The following DACH1 variants were observed in gnomAD, a reference collection of about 807,000 sequenced individuals.
DACH1 encodes dachshund homolog 1.
In DACH1, 12 loss-of-function variants were observed where a neutral mutation model predicts 54.2. That is an observed-to-expected ratio of 0.22 (90% CI 0.14 to 0.36). DACH1 has a LOEUF of 0.36. Among genes scored for constraint, DACH1 ranks in the 10% least tolerant of loss-of-function variants. The pLI is 1.00. For synonymous variants in DACH1, 386 were observed against 366.2 expected, an observed-to-expected ratio of 1.05 and a Z score of -0.62; for missense variants, 805 against 929.8, an observed-to-expected ratio of 0.87 and a Z score of 1.75.
chr13:71,710,138 A>G (rs1399823019), intron 1 of DACH1, among the ~76,000 whole-genome samples: 1 of 152,202 alleles, frequency 6.6e-6, no homozygotes, highest in Non-Finnish European at 1.5e-5. Context: ...TATTGGGAAC[A>G]GAGACTAGAA....
intron 6 of DACH1, among the ~76,000 whole-genome samples, chr13:71,548,714 C>T (rs929380545): frequency 4.7e-4 from 71 of 152,086 alleles, no homozygotes; most frequent in African/African-American, 1.7e-3. Context: ...CCCAGGAGTT[C>T]GAGACCAGCC....
At position 71,866,227 on chromosome 13, in the gene DACH1, G is replaced by A; in HGVS notation, c.543C>T (p.Asn181=). 2.5e-6 allele frequency: 4 copies of A among 1,612,692 alleles called. No individual in the cohort carries two copies. Among genetic ancestry groups the A allele is most frequent in the Non-Finnish European group, 3.4e-6 (4 of 1,179,360 alleles). The change falls in exon 1 of 11, where the codon AAC becomes AAT. Residue 181 remains asparagine, a synonymous_variant. Coordinates refer to ENST00000613252, the MANE Select transcript of DACH1 (RefSeq NM_080759.6). ...PVYSTPSPVE[N]TPQNNECKMV... is the part of the protein sequence containing the mutation. ...TTTTGCACTCATTATTCTGAGGGGT[G>A]TTTTCCACTGGGGACGGGGTTGAGT...
At chr13:71,544,693 C>G (rs1039891577) in intron 6 of DACH1, among the ~76,000 whole-genome samples, 3 of 152,044 alleles carry the variant, frequency 2.0e-5, no homozygotes. Flanking sequence ...ATGCAACACA[C>G]TGCAGTATGA....
chr13:71,776,139 T>C (rs1594206433), intron 1 of DACH1, among the ~76,000 whole-genome samples: 1 of 152,140 alleles, frequency 6.6e-6, no homozygotes, highest in African/African-American at 2.4e-5. Context: ...TTTCCTTCCT[T>C]CCTGTGTATT....
chr13:71,682,433 C>A (rs1297992570), intron 1 of DACH1, among the ~76,000 whole-genome samples: 2 of 152,094 alleles, frequency 1.3e-5, no homozygotes, highest in African/African-American at 2.4e-5. Context: ...GTGATTCAGA[C>A]CTATAGCACA....
rs1229800399 is a variant in DACH1 at position 71,826,096 on chromosome 13, T to TATCC, written c.848+39822_848+39825dup. 3.3e-5 allele frequency among the ~76,000 whole-genome samples: 5 copies of TATCC among 152,234 alleles called. No homozygotes were observed. In the East Asian group the frequency reaches 9.7e-4, roughly 29 times the overall value. ...TGGAAATTAAAAATGTGTATTCAAA[T>TATCC]ATCCATTTGACTGCTTCCCATTAAA... On this transcript the variant is annotated intron_variant, in intron 1 of 10. Transcript: ENST00000613252.
At chr13:71,576,378 G>A (rs1017954412) in intron 3 of DACH1, among the ~76,000 whole-genome samples, 1 of 152,072 alleles carries the variant, frequency 6.6e-6, no homozygotes, top group Non-Finnish European at 1.5e-5. Flanking sequence ...GAGTAGGTGT[G>A]GGAGGTCCTC....
chr13:71,555,559 G>T (rs1396722651), intron 6 of DACH1, among the ~76,000 whole-genome samples: 1 of 151,744 alleles, frequency 6.6e-6, no homozygotes, highest in African/African-American at 2.4e-5. Flanking sequence ...GGTCAGGCTG[G>T]TCTCGACTCC....
At chr13:71,547,812 C>T (rs1883555262) in intron 6 of DACH1, among the ~76,000 whole-genome samples, 1 of 152,070 alleles carries the variant, frequency 6.6e-6, no homozygotes, top group South Asian at 2.1e-4. Context: ...TTGGGATTTA[C>T]CTAAGCTTGG....
intron 10 of DACH1, among the ~76,000 whole-genome samples, chr13:71,442,143 AT>A (rs1282971700): frequency 6.6e-6 from 1 of 151,832 alleles, no homozygotes; most frequent in African/African-American, 2.4e-5. Context: ...CATTCATCCT[AT>A]TTTTTTGAAC....
intron 1 of DACH1, among the ~76,000 whole-genome samples, chr13:71,804,289 G>A (rs303932): frequency 0.28 from 42,653 of 151,978 alleles, 6,365 homozygotes; most frequent in Middle Eastern, 0.34. Flanking sequence ...CTCCAGCCTC[G>A]GCAACAGGGT....
chr13:71,757,434 G>A (rs1018321916), intron 1 of DACH1, among the ~76,000 whole-genome samples: 6 of 151,740 alleles, frequency 4.0e-5, no homozygotes, highest in African/African-American at 1.5e-4. Flanking sequence ...ACCTCTGTAG[G>A]GACCATTTTT....
chr13:71,684,271 A>C (rs1267714014), intron 1 of DACH1, among the ~76,000 whole-genome samples: 1 of 152,162 alleles, frequency 6.6e-6, no homozygotes, highest in Admixed American at 6.6e-5. Flanking sequence ...TATAAAATGC[A>C]AATTTGACCT....
At position 71,590,913 on chromosome 13, in the gene DACH1, C is replaced by T. The variant is rs950448381; in HGVS notation, c.1127-17901G>A. Among the ~76,000 whole-genome samples, 18 of 114,794 alleles carry T rather than the reference C, an allele frequency of 1.6e-4. No homozygotes were observed. In the East Asian group the frequency reaches 3.8e-3, roughly 24 times the overall value. The allele number at this position is 114,794 out of a possible 152,430, so 75.3% of individuals were successfully genotyped here. ...TTTTTTTTTTTGAGATAGAGTCTGGCTGTCAACCAGGCGGGAGTGCAGGGG... is the reference window on the plus strand; with the variant it reads ...TTTTTTTTTTTGAGATAGAGTCTGGTTGTCAACCAGGCGGGAGTGCAGGGG... On this transcript the variant is annotated intron_variant, in intron 3 of 10. Coordinates refer to ENST00000613252, the MANE Select transcript of DACH1 (RefSeq NM_080759.6).
intron 3 of DACH1, among the ~76,000 whole-genome samples, chr13:71,603,193 G>T (rs1416727305): frequency 6.6e-6 from 1 of 151,758 alleles, no homozygotes; most frequent in Non-Finnish European, 1.5e-5. Context: ...TGACATATTG[G>T]ATTAAAATCA....
chr13:71,479,291 T>C lies in DACH1; in HGVS notation c.1748A>G (p.Asn583Ser). 6.2e-7 allele frequency: 1 copy of C among 1,613,476 alleles called. No individual in the cohort carries two copies. The change falls in exon 8 of 11, where the codon AAT becomes AGT. Residue 583 changes from asparagine to serine, a missense_variant. Physicochemically the swap from Asn to Ser is conservative, Grantham distance 46. This residue lies in a region of DACH1 where 472 missense variants were observed against 545.3 expected (regional missense o/e 0.87). Coordinates refer to ENST00000613252, the MANE Select transcript of DACH1 (RefSeq NM_080759.6). ...GACCTGTTTCTCTTGAGCTCTGGCA[T>C]TATCTATGGCAACTTTCAACAGCCC... ...IQGLLKVAID[N>S]ARAQEKQVQL...
At chr13:71,504,326 A>T (rs1467041519) in intron 6 of DACH1, among the ~76,000 whole-genome samples, 2 of 152,192 alleles carry the variant, frequency 1.3e-5, no homozygotes, top group East Asian at 3.8e-4. Flanking sequence ...ATTAAAAAAG[A>T]AACATTGTGT....
chr13:71,659,884 G>T (rs1216021226), intron 2 of DACH1, among the ~76,000 whole-genome samples: 3 of 152,050 alleles, frequency 2.0e-5, no homozygotes, highest in African/African-American at 7.2e-5. Context: ...TTAGTTTTTA[G>T]ATGTTCATGT....
chr13:71,754,121 T>TGG (rs1486829486), intron 1 of DACH1, among the ~76,000 whole-genome samples: 11 of 152,284 alleles, frequency 7.2e-5, no homozygotes, highest in Non-Finnish European at 1.6e-4. Context: ...TTTCATATCC[T>TGG]GTTTCAGCAA....
Sources: allele counts gnomAD v4.1 joint callset (sites outside exome capture counted in the v4.1 genomes callset), GRCh38; gene constraint gnomAD v4.1.1; regional missense constraint gnomAD v4.1.1; transcripts MANE v1.5; gene names NCBI Gene and HGNC (gene_info 2026-07-23, HGNC 2026-07-21).